GPHN: variants seen among roughly 807,000 people sequenced by gnomAD.
GPHN encodes the protein gephyrin.
In GPHN, 17 loss-of-function variants were observed where a neutral mutation model predicts 95.5. The observed-to-expected ratio is 0.18, with a 90% CI of 0.12 to 0.27. GPHN has a LOEUF of 0.27. Ranked by LOEUF, GPHN falls within the 10% of genes least tolerant of loss-of-function variation. The pLI, the probability that GPHN is intolerant of heterozygous loss-of-function variation, is 1.00. For missense variants in GPHN, 660 were observed against 978.1 expected, an observed-to-expected ratio of 0.67 and a Z score of 4.34; for synonymous variants, 320 against 322.5, an observed-to-expected ratio of 0.99 and a Z score of 0.08.
intron 1 of GPHN, among the ~76,000 whole-genome samples, chr14:66,536,876 T>C (rs1594865836): frequency 6.6e-6 from 1 of 152,198 alleles, no homozygotes; most frequent in African/African-American, 2.4e-5. Context: ...GACTGTAGTT[T>C]TGTTGACTTT....
chr14:67,720,686 A>T, the GPHN span: 1 of 152,182 alleles, frequency 6.6e-6, no homozygotes, highest in South Asian at 2.1e-4. Flanking sequence ...CTGCCTATTC[A>T]CCTACCTGTA....
chr14:66,787,632 C>T (rs944730913), intron 3 of GPHN, among the ~76,000 whole-genome samples: 9 of 151,984 alleles, frequency 5.9e-5, no homozygotes, highest in Non-Finnish European at 5.9e-5. Context: ...GAAATAAAAA[C>T]ATAAATCAAT....
the GPHN span, among the ~76,000 whole-genome samples, chr14:67,400,698 A>G: frequency 2.0e-4 from 31 of 151,910 alleles, no homozygotes; most frequent in African/African-American, 7.5e-4. Context: ...AGGGCAAAAG[A>G]ATCTTAGGGC....
At chr14:67,642,793 C>CTTTTTTTTTTTTTT in the GPHN span, among the ~76,000 whole-genome samples, 203 of 75,558 alleles carry the variant, frequency 2.7e-3, 56 homozygotes, top group South Asian at 6.9e-3. Flanking sequence ...ACTACATTTT[C>CTTTTTTTTTTTTTT]TTTTTTTTTT....
the GPHN span, among the ~76,000 whole-genome samples, chr14:67,297,374 TTAA>T: frequency 3.3e-5 from 5 of 152,220 alleles, no homozygotes; most frequent in African/African-American, 1.2e-4. Context: ...AATGGAAGAA[TTAA>T]TAAACTATTA....
At chr14:67,672,897 C>G in the GPHN span, among the ~76,000 whole-genome samples, 14 of 152,340 alleles carry the variant, frequency 9.2e-5, no homozygotes, top group African/African-American at 3.4e-4. Flanking sequence ...CTCTCCTTTG[C>G]TCACTCCATC....
At chr14:67,257,445 G>A in the GPHN span, among the ~76,000 whole-genome samples, 12 of 152,064 alleles carry the variant, frequency 7.9e-5, no homozygotes, top group Non-Finnish European at 1.5e-5. Context: ...ACTTTTCCTT[G>A]GCTTAGTGGT....
intron 3 of GPHN, among the ~76,000 whole-genome samples, chr14:66,814,323 GTC>G (rs1207156844): frequency 6.6e-6 from 1 of 152,180 alleles, no homozygotes. Flanking sequence ...CAACAGCACA[GTC>G]TCTAGCAAGG....
At chr14:67,572,557 CAT>C in the GPHN span, among the ~76,000 whole-genome samples, 1 of 152,154 alleles carries the variant, frequency 6.6e-6, no homozygotes, top group African/African-American at 2.4e-5. Context: ...AAGAGTTTTC[CAT>C]ATATGACTTT....
At chr14:67,227,122 C>T in the GPHN span, among the ~76,000 whole-genome samples, 1 of 152,156 alleles carries the variant, frequency 6.6e-6, no homozygotes, top group Non-Finnish European at 1.5e-5. Context: ...TTATACCATA[C>T]TTAAATTTTG....
the GPHN span, among the ~76,000 whole-genome samples, chr14:67,711,073 C>A: frequency 6.6e-6 from 1 of 152,164 alleles, no homozygotes; most frequent in Non-Finnish European, 1.5e-5. Context: ...TTGAGAGGAA[C>A]TTAGTTTATA....
intron 2 of GPHN, among the ~76,000 whole-genome samples, chr14:66,689,767 G>A (rs1053137799): frequency 6.6e-5 from 10 of 152,066 alleles, no homozygotes; most frequent in African/African-American, 2.4e-4. Flanking sequence ...GTTGTGGTAG[G>A]TTGTTTGTGT....
chr14:67,206,765 C>A, the GPHN span, among the ~76,000 whole-genome samples: 45 of 152,044 alleles, frequency 3.0e-4, no homozygotes, highest in East Asian at 8.7e-3. Context: ...CAGTCTCACT[C>A]CGTTGCCCAG....
At chr14:66,891,710 A>G (rs1228634651) in intron 5 of GPHN, among the ~76,000 whole-genome samples, 3 of 152,072 alleles carry the variant, frequency 2.0e-5, no homozygotes, top group African/African-American at 7.2e-5. Flanking sequence ...TGGAATCAAG[A>G]AAATATTCAC....
At chr14:67,572,818 A>G in the GPHN span, among the ~76,000 whole-genome samples, 3 of 152,128 alleles carry the variant, frequency 2.0e-5, no homozygotes, top group Admixed American at 1.3e-4. Context: ...CCCTGGCTCC[A>G]TGACCCTCCA....
At chr14:67,378,999 C>T in the GPHN span, among the ~76,000 whole-genome samples, 2 of 152,162 alleles carry the variant, frequency 1.3e-5, no homozygotes, top group East Asian at 1.9e-4. Flanking sequence ...TGCATTTTTA[C>T]ATATAAGCCT....
At chr14:66,988,496 C>T (rs1484402644) in intron 9 of GPHN, among the ~76,000 whole-genome samples, 1 of 151,966 alleles carries the variant, frequency 6.6e-6, no homozygotes, top group Admixed American at 6.6e-5. Flanking sequence ...GGCAAGTAGA[C>T]ACATTTGTTC....
chr14:67,041,900 G>T (rs2074725993), intron 10 of GPHN, among the ~76,000 whole-genome samples: 1 of 152,042 alleles, frequency 6.6e-6, no homozygotes, highest in Non-Finnish European at 1.5e-5. Context: ...ACGTTTTAAT[G>T]ATCTCCAACC....
intron 10 of GPHN, among the ~76,000 whole-genome samples, chr14:67,027,973 C>G (rs958255987): frequency 1.3e-5 from 2 of 152,044 alleles, no homozygotes; most frequent in African/African-American, 4.8e-5. Flanking sequence ...AATATTAGAA[C>G]TTATTCATTC....
Sources: allele counts gnomAD v4.1 joint callset (sites outside exome capture counted in the v4.1 genomes callset), GRCh38; gene constraint gnomAD v4.1.1; transcripts MANE v1.5; gene names NCBI Gene and HGNC (gene_info 2026-07-23, HGNC 2026-07-21).